The following HUWE1 variants were observed in gnomAD, a reference collection of about 807,000 sequenced individuals.
HUWE1 encodes E3 ubiquitin-protein ligase HUWE1.
In HUWE1, 18 loss-of-function variants were observed where a neutral mutation model predicts 299.4. That is an observed-to-expected ratio of 0.06 (90% CI 0.04 to 0.09). The LOEUF is 0.09. Among genes scored for constraint, HUWE1 ranks in the 10% least tolerant of loss-of-function variants. HUWE1 has a pLI of 1.00. For missense variants in HUWE1, 1,832 were observed against 3,462.3 expected, an observed-to-expected ratio of 0.53 and a Z score of 11.82; for synonymous variants, 1,317 against 1,286.1, an observed-to-expected ratio of 1.02 and a Z score of -0.51.
Position 53,557,388 on chromosome X carries a change from G to A in HUWE1, c.8200C>T (p.Leu2734Phe). 8.3e-7 allele frequency: 1 copy of A among 1,207,517 alleles called. No homozygotes were observed. The highest frequency in any genetic ancestry group is 1.8e-5 in the South Asian group (1 of 56,930). The change falls in exon 60 of 84, where the codon CTC (leucine) becomes TTC (phenylalanine). Residue 2734 changes from leucine to phenylalanine, a missense_variant. Transcript: ENST00000262854. ...SKSNDSTEQN[L>F]SDGTPMPDSY... is the part of the protein sequence containing the mutation. ...GAAAGGGAAGGAGAGTTACCTGAGA[G>A]ATTCTGTTCAGTGGAGTCATTTGAC... is the stretch of plus-strand genomic sequence containing the variant.
intron 43 of HUWE1, 58 bp downstream of exon 43, chrX:53,580,773 C>T: frequency 8.9e-7 from 1 of 1,120,141 alleles, no homozygotes; most frequent in Non-Finnish European, 1.2e-6. Flanking sequence ...AAATAAATTT[C>T]TGGATTTATA....
At position 53,563,770 on chromosome X, in the gene HUWE1, C is replaced by T. The variant is rs1556943291; in HGVS notation, c.7081G>A (p.Gly2361Arg). ...LIDELLERDG[G>R]SGNSTIIVSR... ...CCTATAATTGTACTGTTCCCAGATC[C>T]GCCATCCCTCTCAAGCAACTCATCT... The change falls in exon 52 of 84, where the codon GGA becomes AGA. Residue 2361 changes from glycine (G) to arginine (R), a missense_variant. By Grantham distance (125) the Gly-to-Arg change is moderately radical. Transcript: ENST00000262854. 8 of 1,211,258 alleles carry T rather than the reference C, an allele frequency of 6.6e-6. No homozygotes were observed. Among genetic ancestry groups the T allele is most frequent in the South Asian group, 3.5e-5 (2 of 56,821 alleles).
rs1569443381 is a variant in HUWE1 at position 53,560,225 on chromosome X, C to G, written c.7699G>C (p.Gly2567Arg). The G allele has an allele frequency of 8.3e-7, 1 of 1,203,737 alleles. No individual in the cohort carries two copies. The change falls in exon 56 of 84, where the codon GGG becomes CGG. Residue 2567 changes from glycine (G) to arginine (R), a missense_variant. Physicochemically the swap from Gly to Arg is moderately radical, Grantham distance 125. Around this residue, in one of 15 missense-constraint regions of HUWE1, gnomAD observed 170 missense variants for 335.8 expected, o/e 0.51. Transcript: ENST00000262854. ...TGHTIHVHYP[G>R]NRQPNPPLIL... ...AGAGGAGGGTTGGGCTGGCGATTCC[C>G]AGGGTAGTGAACATGAATGGTGTGG...
At chrX:53,632,069 A>C (rs1218797724) in intron 9 of HUWE1, 36 of 341,049 alleles carry the variant, frequency 1.1e-4, no homozygotes, top group Middle Eastern at 4.3e-4. Flanking sequence ...TCTAAACCAA[A>C]CTCTTTAGTA....
At chrX:53,629,686 T>C (rs1765887319) in intron 12 of HUWE1, 70 bp from the exon 13 acceptor site, 1 of 660,672 alleles carries the variant, frequency 1.5e-6, no homozygotes, top group African/African-American at 2.2e-5. Context: ...AACAAACTTT[T>C]TGGTATCTAT....
intron 43 of HUWE1, among the ~76,000 whole-genome samples, chrX:53,579,656 C>CTG (rs1442553455): frequency 1.0e-5 from 1 of 98,697 alleles, no homozygotes; most frequent in Non-Finnish European, 2.1e-5. Flanking sequence ...ATCCCCAACC[C>CTG]TGTGCTCTCT....
chrX:53,583,985 C>T, intron 41 of HUWE1, 69 bp from the exon 42 acceptor site: 2 of 936,542 alleles, frequency 2.1e-6, no homozygotes, highest in Non-Finnish European at 3.1e-6. Context: ...CGCCTCCCTC[C>T]TAAGTAATTG....
At chrX:53,538,700 A>G (rs1556915360) in intron 76 of HUWE1, 135 bp downstream of exon 76, 1 of 383,383 alleles carries the variant, frequency 2.6e-6, no homozygotes, top group Non-Finnish European at 4.4e-6. Context: ...GTGTATGTAC[A>G]CACACACACA....
At chrX:53,555,025 G>C (rs2061934392) in intron 60 of HUWE1, 105 bp from the exon 61 acceptor site, 1 of 582,189 alleles carries the variant, frequency 1.7e-6, no homozygotes, top group Admixed American at 3.9e-5. Flanking sequence ...CACCCAGCCA[G>C]TGATCATCCC....
Position 53,537,449 on chromosome X carries a change from T to C in HUWE1, c.12137+107A>G. 5 of 826,859 alleles carry C rather than the reference T, an allele frequency of 6.0e-6. No individual in the cohort carries two copies. The South Asian group carries it at 6.5e-5, about 11-fold the overall frequency. The allele number at this position is 826,859 out of a possible 1,213,427, so 68.1% of individuals were successfully genotyped here. On this transcript the variant is annotated intron_variant, in intron 78 of 83. Transcript: ENST00000262854. ...CCAGATTCCTATGGGGAATTCCTATTAGGGAGGGCAGCACCTCCCTAAATT... is the reference window on the plus strand; with the variant it reads ...CCAGATTCCTATGGGGAATTCCTATCAGGGAGGGCAGCACCTCCCTAAATT...
At chrX:53,605,258 ATT>A (rs1393966750) in intron 25 of HUWE1, among the ~76,000 whole-genome samples, 2 of 112,384 alleles carry the variant, frequency 1.8e-5, no homozygotes, top group Admixed American at 9.4e-5. Context: ...CAGGTAGGCA[ATT>A]TGTTTTTATC....
intron 59 of HUWE1, among the ~76,000 whole-genome samples, chrX:53,558,276 T>C (rs1435301913): frequency 5.4e-5 from 6 of 111,742 alleles, no homozygotes; most frequent in African/African-American, 2.0e-4. Context: ...AATGGGGTCA[T>C]CTCGGTAAGA....
intron 83 of HUWE1, 118 bp downstream of exon 83, chrX:53,533,889 A>G: frequency 1.5e-6 from 1 of 686,648 alleles, no homozygotes; most frequent in East Asian, 3.2e-5. Flanking sequence ...ATTGTGAGTT[A>G]CCCAAGGTCC....
intron 47 of HUWE1, among the ~76,000 whole-genome samples, chrX:53,573,145 T>C (rs1195445589): frequency 8.9e-6 from 1 of 111,814 alleles, no homozygotes; most frequent in Non-Finnish European, 1.9e-5. Context: ...CAGTCTTCCC[T>C]CTTCAATCTC....
rs2066459256 is a variant in HUWE1, at chrX:53,625,854, GGGCCGGGGCCGGGGCCGGGGCCGGGGCCA to G, written c.1490-625_1490-597del. ...AGGACCGGGGCCGGGGCCGGGGCCA[GGGCCGGGGCCGGGGCCGGGGCCGGGGCCA>G]GGGCCGGTGCCGGGGCCGGGACTGG... On this transcript the variant is annotated intron_variant, in intron 17 of 83. Coordinates refer to ENST00000262854, the MANE Select transcript of HUWE1 (RefSeq NM_031407.7). The G allele has an allele frequency of 2.4e-5, 4 of 169,446 alleles. 1 individual carries two copies. The highest frequency in any genetic ancestry group is 9.9e-5 in the South Asian group (1 of 10,088). 14.0% of individuals were successfully genotyped at this position (169,446 alleles called of 1,213,427 possible).
chrX:53,669,854 A>T (rs1487138970), intron 3 of HUWE1, among the ~76,000 whole-genome samples: 1 of 112,455 alleles, frequency 8.9e-6, no homozygotes, highest in Non-Finnish European at 1.9e-5. Flanking sequence ...AAAATACTTA[A>T]CATAAGTATA....
intron 81 of HUWE1, 31 bp downstream of exon 81, chrX:53,535,353 G>A (rs782096171): frequency 1.4e-5 from 13 of 913,845 alleles, no homozygotes; most frequent in Middle Eastern, 5.3e-4. Context: ...CTCATATTGA[G>A]CAACTAGAGG....
chrX:53,625,358 A>C (rs1173771266), intron 17 of HUWE1, 100 bp from the exon 18 acceptor site: 4 of 553,738 alleles, frequency 7.2e-6, no homozygotes, highest in Non-Finnish European at 1.3e-5. Context: ...AATACACTAT[A>C]ATAAAATTAG....
At chrX:53,653,167 A>C (rs1453317805) in intron 4 of HUWE1, among the ~76,000 whole-genome samples, 3 of 112,362 alleles carry the variant, frequency 2.7e-5, no homozygotes, top group Non-Finnish European at 5.6e-5. Flanking sequence ...ACAAACAAAA[A>C]AAACTGGAAG....
Sources: gnomAD v4.1 joint callset for allele counts (sites outside exome capture counted in the v4.1 genomes callset) on GRCh38, gnomAD v4.1.1 for gene constraint, gnomAD v4.1.1 regional missense constraint, MANE v1.5 for transcripts, NCBI Gene and HGNC (gene_info 2026-07-23, HGNC 2026-07-21) for gene names.